DDAH1: variants seen among roughly 807,000 people sequenced by gnomAD.
DDAH1 encodes the protein N(G),N(G)-dimethylarginine dimethylaminohydrolase 1.
A neutral mutation model predicts 28.8 loss-of-function variants in DDAH1; 19 were observed. That is an observed-to-expected ratio of 0.66 (90% CI 0.46 to 0.97). The LOEUF is 0.97. Among genes scored for constraint, DDAH1 ranks in the 50% least tolerant of loss-of-function variants. The probability of loss-of-function intolerance (pLI) is 0.00; values close to 1 mark genes in which losing one functional copy is unlikely to be tolerated. For missense variants in DDAH1, 326 were observed against 375.9 expected, an observed-to-expected ratio of 0.87 and a Z score of 1.10; for synonymous variants, 153 against 154.4, an observed-to-expected ratio of 0.99 and a Z score of 0.07.
intron 1 of DDAH1, among the ~76,000 whole-genome samples, chr1:85,546,547 C>T (rs548050215): frequency 2.5e-4 from 38 of 152,168 alleles, no homozygotes; most frequent in Non-Finnish European, 5.1e-4. Flanking sequence ...CATGCAAGAA[C>T]AGAAGGCAAA....
At chr1:85,450,443 T>A (rs1473364960) in intron 1 of DDAH1, among the ~76,000 whole-genome samples, 1 of 152,184 alleles carries the variant, frequency 6.6e-6, no homozygotes, top group Non-Finnish European at 1.5e-5. Flanking sequence ...CTCTCTAAGG[T>A]TGTCACAGCT....
intron 4 of DDAH1, among the ~76,000 whole-genome samples, chr1:85,348,469 C>A (rs1649001578): frequency 6.6e-6 from 1 of 152,194 alleles, no homozygotes; most frequent in Non-Finnish European, 1.5e-5. Flanking sequence ...TCAGATCTCA[C>A]CTGCCCCTTC....
chr1:85,557,846 T>TGGTC (rs1178298494), intron 1 of DDAH1, among the ~76,000 whole-genome samples: 1 of 151,848 alleles, frequency 6.6e-6, no homozygotes, highest in Non-Finnish European at 1.5e-5. Context: ...AAACAGAAGG[T>TGGTC]GGTCACCTGC....
At chr1:85,396,533 C>T (rs1394583145) in intron 1 of DDAH1, among the ~76,000 whole-genome samples, 1 of 152,150 alleles carries the variant, frequency 6.6e-6, no homozygotes, top group Non-Finnish European at 1.5e-5. Flanking sequence ...CCAAACACCT[C>T]CCATTAAGCC....
intron 1 of DDAH1, among the ~76,000 whole-genome samples, chr1:85,448,763 A>C (rs1417434003): frequency 6.6e-6 from 1 of 152,194 alleles, no homozygotes; most frequent in Non-Finnish European, 1.5e-5. Context: ...TCTATCAAAA[A>C]CAGTTTTGAC....
At chr1:85,504,440 C>T (rs1296277737) in intron 1 of DDAH1, among the ~76,000 whole-genome samples, 1 of 152,058 alleles carries the variant, frequency 6.6e-6, no homozygotes, top group African/African-American at 2.4e-5. Context: ...TCCTGGGTCA[C>T]TCTCCTGGGT....
intron 1 of DDAH1, among the ~76,000 whole-genome samples, chr1:85,542,142 A>C (rs1416894810): frequency 1.3e-5 from 2 of 152,230 alleles, no homozygotes. Flanking sequence ...AATAAATGGC[A>C]GAGGTTGGAT....
intron 1 of DDAH1, among the ~76,000 whole-genome samples, chr1:85,409,086 C>T (rs961616174): frequency 3.9e-5 from 6 of 152,154 alleles, no homozygotes; most frequent in Non-Finnish European, 7.3e-5. Flanking sequence ...TGAATGCAGC[C>T]GAACACAAAT....
At chr1:85,351,629 ACAT>A (rs1179099044) in intron 2 of DDAH1, 50 bp from the exon 3 acceptor site, 2 of 1,342,864 alleles carry the variant, frequency 1.5e-6, no homozygotes, top group Non-Finnish European at 2.1e-6. Flanking sequence ...CAGTGACTGT[ACAT>A]CATTTCTTTT....
chr1:85,486,259 A>C (rs780753551), intron 2 of DDAH1, among the ~76,000 whole-genome samples: 27 of 152,210 alleles, frequency 1.8e-4, no homozygotes, highest in Non-Finnish European at 3.1e-4. Context: ...GAATATGAGA[A>C]GTAAAATGCT....
intron 1 of DDAH1, among the ~76,000 whole-genome samples, chr1:85,398,039 G>T (rs1396436046): frequency 2.0e-5 from 3 of 147,784 alleles, no homozygotes; most frequent in African/African-American, 7.5e-5. Flanking sequence ...TTCCTTTATA[G>T]CAACACAAAG....
At chr1:85,466,473 T>A (rs1488863125), upstream of DDAH1, among the ~76,000 whole-genome samples, 1 of 152,194 alleles carries the variant, frequency 6.6e-6, no homozygotes, top group Non-Finnish European at 1.5e-5. Flanking sequence ...GGTCTCGAAC[T>A]CCTGACCTCA....
chr1:85,571,374 T>A (rs912009505), intron 1 of DDAH1, among the ~76,000 whole-genome samples: 3 of 152,226 alleles, frequency 2.0e-5, no homozygotes, highest in Non-Finnish European at 2.9e-5. Context: ...AGGGAATAAC[T>A]GTGCCCAATC....
chr1:85,352,335 C>A (rs891038473), intron 2 of DDAH1, among the ~76,000 whole-genome samples: 1 of 152,148 alleles, frequency 6.6e-6, no homozygotes, highest in South Asian at 2.1e-4. Context: ...CGCCTTGCAC[C>A]CCGAGCTTCC....
At chr1:85,438,204 T>C (rs975374955) in intron 1 of DDAH1, among the ~76,000 whole-genome samples, 4 of 152,070 alleles carry the variant, frequency 2.6e-5, no homozygotes, top group Non-Finnish European at 5.9e-5. Context: ...TGGAGGAGGA[T>C]GAGGATCAAA....
chr1:85,417,047 A>G (rs914311416), intron 1 of DDAH1, among the ~76,000 whole-genome samples: 28 of 152,198 alleles, frequency 1.8e-4, no homozygotes, highest in African/African-American at 6.8e-4. Context: ...CATCATGAAG[A>G]CAACACTAGA....
intron 1 of DDAH1, among the ~76,000 whole-genome samples, chr1:85,552,218 T>G (rs1478967820): frequency 1.3e-5 from 2 of 152,214 alleles, no homozygotes; most frequent in African/African-American, 4.8e-5. Context: ...CTCCTTTCCA[T>G]TCACCTGGAT....
At chr1:85,405,973 A>G (rs766938124) in intron 1 of DDAH1, among the ~76,000 whole-genome samples, 18 of 152,240 alleles carry the variant, frequency 1.2e-4, no homozygotes, top group Admixed American at 5.9e-4. Flanking sequence ...TTAGCCTCCA[A>G]CAGTTTTAAA....
intron 1 of DDAH1, among the ~76,000 whole-genome samples, chr1:85,510,843 C>T (rs1657198949): frequency 6.6e-6 from 1 of 152,202 alleles, no homozygotes; most frequent in Non-Finnish European, 1.5e-5. Context: ...GACCCAGATT[C>T]ATAAAGCAAG....
Sources: gnomAD v4.1 joint callset for allele counts (sites outside exome capture counted in the v4.1 genomes callset) on GRCh38, gnomAD v4.1.1 for gene constraint, MANE v1.5 for transcripts, NCBI Gene and HGNC (gene_info 2026-07-23, HGNC 2026-07-21) for gene names.